ZNF544: variants seen among roughly 807,000 people sequenced by gnomAD.
ZNF544 encodes the protein zinc finger protein 544, also known as zinc finger protein AF020591.
ZNF544 carries 10 observed loss-of-function variants against 13.5 expected under a neutral mutation model. The observed-to-expected ratio is 0.74, with a 90% confidence interval of 0.46 to 1.25. The LOEUF (loss-of-function observed/expected upper bound fraction) is 1.25, where lower values mean the gene tolerates loss of function less well. ZNF544 is among the 50% of genes most tolerant of loss of function. The pLI is 0.00. For synonymous variants in ZNF544, 323 were observed against 300.5 expected (o/e 1.07, Z -0.77); for missense variants, 896 against 845.6 (o/e 1.06, Z -0.74).
intron 6 of ZNF544, 92 bp from the exon 7 acceptor site, chr19:58,260,759 C>T: frequency 8.4e-7 from 1 of 1,186,896 alleles, no homozygotes; most frequent in Non-Finnish European, 1.2e-6. Context: ...AAACCAGAGA[C>T]ACTTCCATTA....
chr19:58,260,699 T>C (rs2048728221), intron 6 of ZNF544, 152 bp from the exon 7 acceptor site: 1 of 684,204 alleles, frequency 1.5e-6, no homozygotes, highest in Non-Finnish European at 2.4e-6. Context: ...TGCTGATCCA[T>C]CCCTCCCTTT....
At chr19:58,247,459 A>AGTTT (rs1444062976) in intron 6 of ZNF544, 1 of 152,080 alleles carries the variant, frequency 6.6e-6, no homozygotes, top group Non-Finnish European at 1.5e-5. Flanking sequence ...ACAGAGTTTC[A>AGTTT]CCGTGTTAGC....
chr19:58,261,088 T>C lies in ZNF544; in HGVS notation c.482T>C (p.Leu161Pro). The change falls in exon 7 of 7, where the codon CTT becomes CCT. Residue 161 changes from leucine (L) to proline (P), a missense_variant. By Grantham distance (98) the Leu-to-Pro change is moderately conservative. Coordinates refer to ENST00000687789, the MANE Select transcript of ZNF544 (RefSeq NM_014480.4). ...CAAAGGGAACATTGTGAGCTTGAAC[T>C]TGGGGGAGGTTATTCTCTACCTTCT... ...FAQREHCELE[L>P]GGGYSLPSTL... 7.4e-6 allele frequency: 12 copies of C among 1,614,192 alleles called. No homozygotes were observed. Among genetic ancestry groups the C allele is most frequent in the Non-Finnish European group, 1.0e-5 (12 of 1,180,030 alleles).
At chr19:58,268,548 G>A (rs1441213704), downstream of ZNF544, among the ~76,000 whole-genome samples, 2 of 152,200 alleles carry the variant, frequency 1.3e-5, no homozygotes, top group African/African-American at 4.8e-5. Flanking sequence ...ACAATGGCAA[G>A]AGCACACCTG....
At chr19:58,236,446 G>A (rs1429233319) in intron 3 of ZNF544, among the ~76,000 whole-genome samples, 13 of 149,986 alleles carry the variant, frequency 8.7e-5, no homozygotes, top group African/African-American at 2.7e-4. Context: ...GCAGTGAGCC[G>A]AGATCGCTTG....
chr19:58,241,290 G>A (rs1175967974), intron 3 of ZNF544, among the ~76,000 whole-genome samples: 1 of 148,868 alleles, frequency 6.7e-6, no homozygotes, highest in Admixed American at 6.8e-5. Flanking sequence ...GGGATTACAG[G>A]CGTGAGCCAA....
rs61732963 is a variant in ZNF544, at chr19:58,260,896, A to T, written c.290A>T (p.Asp97Val). Reference sequence around the variant, plus strand: ...GAGAATAGGTTGAATTCTGAAAAAGATCGAGCTAGGGAAGAACTATCCCAC... The same window carrying T: ...GAGAATAGGTTGAATTCTGAAAAAGTTCGAGCTAGGGAAGAACTATCCCAC... ...LEENRLNSEK[D>V]RAREELSHHV... Residue 97 changes from aspartate to valine, a missense_variant, in exon 7 of 7, where the codon GAT becomes GTT. Physicochemically the swap from Asp to Val is radical, Grantham distance 152. Coordinates refer to ENST00000687789, the MANE Select transcript of ZNF544 (RefSeq NM_014480.4). 2.2e-3 allele frequency: 3,516 copies of T among 1,611,382 alleles called. 12 individuals carry two copies. Among genetic ancestry groups the T allele is most frequent in the Non-Finnish European group, 2.8e-3 (3,255 of 1,179,248 alleles).
Position 58,261,597 on chromosome 19 carries a change from C to G in ZNF544, c.991C>G (p.Arg331Gly), listed in dbSNP as rs370170869. 6.2e-7 allele frequency: 1 copy of G among 1,614,198 alleles called. No individual in the cohort carries two copies. The highest frequency in any genetic ancestry group is 1.7e-5 in the Admixed American group (1 of 60,012). Residue 331 changes from arginine (R) to glycine (G), a missense_variant, in exon 7 of 7, where the codon CGC becomes GGC. Transcript: ENST00000687789. ...PGETPFRCEE[R>G]CAAFPMASSF... ...AGAGACCCCCTTCAGATGTGAGGAACGCTGTGCTGCCTTCCCCATGGCCTC... is the reference window on the plus strand; with the variant it reads ...AGAGACCCCCTTCAGATGTGAGGAAGGCTGTGCTGCCTTCCCCATGGCCTC...
Position 58,262,508 on chromosome 19 carries a change from C to G in ZNF544, c.1902C>G (p.Cys634Trp), listed in dbSNP as rs763229379. ...ACACTGGGGAGAAGCCGTACAAATG[C>G]AATCAGTGCAATAAAGCCTTTGCAA... ...QIHTGEKPYK[C>W]NQCNKAFARS... The change falls in exon 7 of 7, where the codon TGC (cysteine) becomes TGG (tryptophan). Residue 634 changes from cysteine to tryptophan, a missense_variant. Physicochemically the swap from Cys to Trp is radical, Grantham distance 215 (BLOSUM62 -2). Coordinates refer to ENST00000687789, the MANE Select transcript of ZNF544 (RefSeq NM_014480.4). 131 of 1,614,082 alleles carry G rather than the reference C, an allele frequency of 8.1e-5. No individual in the cohort carries two copies. Among genetic ancestry groups the G allele is most frequent in the Non-Finnish European group, 1.0e-4 (123 of 1,180,038 alleles).
intron 3 of ZNF544, among the ~76,000 whole-genome samples, chr19:58,233,488 C>T (rs1378953197): frequency 3.3e-5 from 5 of 152,130 alleles, no homozygotes; most frequent in African/African-American, 1.2e-4. Context: ...ATATGAGAAA[C>T]TTCAACACAT....
chr19:58,264,316 A>G (rs1265241539), downstream of ZNF544, among the ~76,000 whole-genome samples: 1 of 148,428 alleles, frequency 6.7e-6, no homozygotes, highest in Non-Finnish European at 1.5e-5. Flanking sequence ...CCTGGGAGGC[A>G]GAGGTTGCAG....
At chr19:58,274,162 T>A (rs532273669) in intron 5 of ZNF544, among the ~76,000 whole-genome samples, 5 of 151,970 alleles carry the variant, frequency 3.3e-5, no homozygotes, top group Admixed American at 2.0e-4. Flanking sequence ...CGGAAAAAAA[T>A]TAATATATTT....
chr19:58,269,580 CAG>C (rs2050363402), intron 5 of ZNF544, among the ~76,000 whole-genome samples: 1 of 138,234 alleles, frequency 7.2e-6, no homozygotes, highest in Admixed American at 7.7e-5. Flanking sequence ...CACTGCACTC[CAG>C]CGTGGGCGAC....
chr19:58,259,223 A>C (rs1210459688), intron 6 of ZNF544: 3 of 152,186 alleles, frequency 2.0e-5, no homozygotes, highest in Admixed American at 2.0e-4. Context: ...TTTTCTGGAG[A>C]GTCTTCTATT....
Position 58,244,053 on chromosome 19 carries a change from C to A in ZNF544, c.30C>A (p.Pro10=), listed in dbSNP as rs2044503575. 3 of 1,607,196 alleles carry A rather than the reference C, an allele frequency of 1.9e-6. No homozygotes were observed. Among genetic ancestry groups the A allele is most frequent in the Non-Finnish European group, 2.5e-6 (3 of 1,176,618 alleles). The change falls in exon 4 of 7, where the codon CCC becomes CCA. Residue 10 remains proline (P), a synonymous_variant. Transcript: ENST00000687789. ...AAGCACGTTCTATGCTGGTTCCACC[C>A]CAGGTGAGTGGGGGGTCTTTGCTCT... is the stretch of plus-strand genomic sequence containing the variant. MEARSMLVP[P]QASVCFEDVA...
chr19:58,274,471 C>A (rs2051064026), intron 5 of ZNF544, among the ~76,000 whole-genome samples: 1 of 152,152 alleles, frequency 6.6e-6, no homozygotes, highest in African/African-American at 2.4e-5. Flanking sequence ...AGCAAACCAC[C>A]AAAAACTAAG....
exon 7 of ZNF544, chr19:58,277,318 C>G (rs1296536619): frequency 8.4e-7 from 1 of 1,186,464 alleles, no homozygotes; most frequent in Non-Finnish European, 1.1e-6. Flanking sequence ...GGAGTCAGCT[C>G]CTCCGTCCCC....
At position 58,261,869 on chromosome 19, in the gene ZNF544, CAA is replaced by C; in HGVS notation, c.1265_1266del (p.Lys422ThrfsTer18). The C allele has an allele frequency of 3.1e-6, 5 of 1,612,532 alleles. No individual in the cohort carries two copies. The highest frequency in any genetic ancestry group is 4.2e-6 in the Non-Finnish European group (5 of 1,179,680). ...LCGKSFTQRS[K>X]LITHQRIHTG... ...GTGGGAAATCCTTCACCCAGAGATC[CAA>C]ACTTATTACACATCAGCGAATTCAC... On this transcript the variant is annotated frameshift_variant, in exon 7 of 7. Transcript: ENST00000687789. LOFTEE classifies it low-confidence loss of function (END_TRUNC).
chr19:58,272,398 C>A (rs2050741190), intron 5 of ZNF544, among the ~76,000 whole-genome samples: 1 of 151,738 alleles, frequency 6.6e-6, no homozygotes, highest in Non-Finnish European at 1.5e-5. Flanking sequence ...TCTGTCTCTG[C>A]AAGAAATAAA....
Sources: allele counts gnomAD v4.1 joint callset (sites outside exome capture counted in the v4.1 genomes callset), GRCh38; gene constraint gnomAD v4.1.1; transcripts MANE v1.5; gene names NCBI Gene and HGNC (gene_info 2026-07-23, HGNC 2026-07-21).